The following KAZN variants were observed in gnomAD, a reference collection of about 807,000 sequenced individuals.
KAZN encodes the protein kazrin, periplakin interacting protein.
A neutral mutation model predicts 87.4 loss-of-function variants in KAZN; 40 were observed. That is an observed-to-expected ratio of 0.46 (90% CI 0.36 to 0.60). KAZN has a LOEUF of 0.60. KAZN is among the 20% of genes least tolerant of loss of function. The probability of loss-of-function intolerance (pLI) is 0.00; values close to 1 mark genes in which losing one functional copy is unlikely to be tolerated. For synonymous variants in KAZN, 466 were observed against 458.3 expected (o/e 1.02, Z -0.22); for missense variants, 898 against 1,073.9 (o/e 0.84, Z 2.29).
intron 2 of KAZN, among the ~76,000 whole-genome samples, chr1:14,359,931 A>G (rs1659363554): frequency 6.6e-6 from 1 of 152,108 alleles, no homozygotes; most frequent in Non-Finnish European, 1.5e-5. Flanking sequence ...TGCTCTTCTC[A>G]AGGAGTATCT....
At chr1:14,755,086 G>GAAAAA (rs763767893) in intron 1 of KAZN, among the ~76,000 whole-genome samples, 96 of 49,986 alleles carry the variant, frequency 1.9e-3, no homozygotes, top group African/African-American at 3.0e-3. Context: ...TACTAAAAAT[G>GAAAAA]CAAAAAAAAA....
Position 15,094,059 on chromosome 1 carries a change from G to A in KAZN, c.1223-121G>A, listed in dbSNP as rs774639137. 2 of 788,928 alleles carry A rather than the reference G, an allele frequency of 2.5e-6. No individual in the cohort carries two copies. Among genetic ancestry groups the A allele is most frequent in the South Asian group, 1.9e-5 (1 of 53,840 alleles). 48.9% of individuals were successfully genotyped at this position (788,928 alleles called of 1,614,324 possible). On this transcript the variant is annotated intron_variant, in intron 8 of 14. Transcript: ENST00000376030. The surrounding 1 kb of genome is among the most constrained non-coding windows in gnomAD (Gnocchi z 4.5). The stretch of plus-strand genomic sequence containing the variant: ...AAACGCCAAAAGCCACTTTGATTTT[G>A]AAGAGAATACATGGAGGGGAGGATG...
chr1:15,091,437 C>G (rs1269557751), intron 8 of KAZN, among the ~76,000 whole-genome samples: 1 of 152,188 alleles, frequency 6.6e-6, no homozygotes, highest in Non-Finnish European at 1.5e-5. Flanking sequence ...CTCTGCCTCC[C>G]AGGTTCAAGT....
chr1:13,985,088 A>C (rs1638947107), intron 1 of KAZN, among the ~76,000 whole-genome samples: 1 of 152,174 alleles, frequency 6.6e-6, no homozygotes, highest in Non-Finnish European at 1.5e-5. Context: ...AAACAGAACC[A>C]ATAGGATATA....
chr1:14,820,984 G>A lies in KAZN; in HGVS notation c.227-139700G>A, dbSNP rs11802831. Among the ~76,000 whole-genome samples, 48,696 of 151,954 alleles carry A rather than the reference G, an allele frequency of 0.32. 8,210 individuals carry two copies. Among genetic ancestry groups the A allele is most frequent in the African/African-American group, 0.39 (16,294 of 41,428 alleles). On this transcript the variant is annotated intron_variant, in intron 1 of 14. Transcript: ENST00000376030. The surrounding 1 kb of genome is among the most constrained non-coding windows in gnomAD (Gnocchi z 4.1). Reference sequence around the variant, plus strand: ...GTGGTCTGTTCTGTGATGGATTGTCGGGAGAAACGGGAGCGTGTGAGGAAT... The same window carrying A: ...GTGGTCTGTTCTGTGATGGATTGTCAGGAGAAACGGGAGCGTGTGAGGAAT...
chr1:14,014,103 A>G (rs1640450598), intron 1 of KAZN, among the ~76,000 whole-genome samples: 1 of 151,254 alleles, frequency 6.6e-6, no homozygotes, highest in Admixed American at 6.6e-5. Flanking sequence ...TCTCATGAGG[A>G]CTCTATATGC....
At chr1:13,900,214 T>C (rs1057109639) in intron 1 of KAZN, among the ~76,000 whole-genome samples, 2 of 152,168 alleles carry the variant, frequency 1.3e-5, no homozygotes, top group African/African-American at 4.8e-5. Context: ...CAATAGTCCC[T>C]TGGGCTGATC....
chr1:15,026,500 G>A (rs539474557), intron 2 of KAZN, among the ~76,000 whole-genome samples: 1 of 152,252 alleles, frequency 6.6e-6, no homozygotes, highest in South Asian at 2.1e-4. Flanking sequence ...GGAAAACCGA[G>A]GCTTAGAGCG....
At position 14,373,964 on chromosome 1, in the gene KAZN, C is replaced by T. The variant is rs528516996; in HGVS notation, c.249+193372C>T. On this transcript the variant is annotated intron_variant, in intron 2 of 16. Transcript: ENST00000636203. ...TTTGTGCAAAAGGTAGTACTTTTGCCAGGGAGTGTAAACTAACATAAGCCA... is the reference window on the plus strand; with the variant it reads ...TTTGTGCAAAAGGTAGTACTTTTGCTAGGGAGTGTAAACTAACATAAGCCA... 5.2e-4 allele frequency among the ~76,000 whole-genome samples: 79 copies of T among 152,226 alleles called. 2 individuals carry two copies. The South Asian group carries it at 0.016, about 31-fold the overall frequency.
At chr1:14,376,461 T>C (rs1017466051) in intron 2 of KAZN, among the ~76,000 whole-genome samples, 10 of 152,162 alleles carry the variant, frequency 6.6e-5, no homozygotes, top group African/African-American at 2.4e-4. Context: ...GAGTTCAGCC[T>C]TTCCTTCTCA....
intron 2 of KAZN, among the ~76,000 whole-genome samples, chr1:14,210,628 G>A (rs930603772): frequency 6.6e-6 from 1 of 152,122 alleles, no homozygotes; most frequent in Admixed American, 6.5e-5. Flanking sequence ...GGACCCCTAA[G>A]AATCTTGATC....
At position 14,196,499 on chromosome 1, in the gene KAZN, G is replaced by C. The variant is rs111772814; in HGVS notation, c.249+15907G>C. On this transcript the variant is annotated intron_variant, in intron 2 of 16. Transcript: ENST00000636203. ...AGAAATTTTGTTGATATATAGGATG[G>C]GAGGTGAGAGAGAAAGAGAGGAGTC... Among the ~76,000 whole-genome samples, 289 of 152,186 alleles carry C rather than the reference G, an allele frequency of 1.9e-3. 1 individual carries two copies. The highest frequency in any genetic ancestry group is 3.8e-3 in the Non-Finnish European group (259 of 68,028).
At chr1:15,050,159 GGAATAGA>G (rs200417714) in intron 4 of KAZN, among the ~76,000 whole-genome samples, 1,829 of 131,324 alleles carry the variant, frequency 0.014, 53 homozygotes, top group East Asian at 0.084. Context: ...AGAATAGAAT[GGAATAGA>G]ATAGAATAGA....
intron 2 of KAZN, among the ~76,000 whole-genome samples, chr1:14,535,746 G>T (rs1002651533): frequency 2.0e-5 from 3 of 152,112 alleles, no homozygotes; most frequent in African/African-American, 7.2e-5. Flanking sequence ...AAAACTGACG[G>T]CTGCTCTTCC....
At chr1:15,100,918 C>T (rs528751678) in intron 10 of KAZN, among the ~76,000 whole-genome samples, 5 of 152,208 alleles carry the variant, frequency 3.3e-5, no homozygotes, top group Admixed American at 1.3e-4. Flanking sequence ...GAGGGATGCG[C>T]CGATCAGGTG....
At chr1:14,913,851 T>A (rs1049650979) in intron 1 of KAZN, among the ~76,000 whole-genome samples, 2 of 152,140 alleles carry the variant, frequency 1.3e-5, no homozygotes, top group Non-Finnish European at 2.9e-5. Flanking sequence ...GCCGCAGGCG[T>A]GTGCAGACAG....
At chr1:14,806,301 C>T (rs1206641960) in intron 1 of KAZN, among the ~76,000 whole-genome samples, 1 of 152,230 alleles carries the variant, frequency 6.6e-6, no homozygotes, top group Admixed American at 6.5e-5. Context: ...GATTGACACT[C>T]CCTGGGAGGG....
At chr1:14,522,629 C>A (rs1390911763) in intron 2 of KAZN, among the ~76,000 whole-genome samples, 1 of 152,194 alleles carries the variant, frequency 6.6e-6, no homozygotes, top group Non-Finnish European at 1.5e-5. Context: ...TTGACGTGGA[C>A]TGCCCATCCT....
chr1:14,774,234 C>T (rs906033434), intron 1 of KAZN, among the ~76,000 whole-genome samples: 2 of 152,110 alleles, frequency 1.3e-5, no homozygotes, highest in East Asian at 3.9e-4. Flanking sequence ...TCTGTGGTCC[C>T]GGATTTGTGG....
Sources: gnomAD v4.1 joint callset for allele counts (sites outside exome capture counted in the v4.1 genomes callset) on GRCh38, gnomAD v4.1.1 for gene constraint, Gnocchi (gnomAD v3.1) non-coding constraint, MANE v1.5 for transcripts, NCBI Gene and HGNC (gene_info 2026-07-23, HGNC 2026-07-21) for gene names.